The following UNC13B variants were observed in gnomAD, a reference collection of about 807,000 sequenced individuals.
The protein encoded by UNC13B is unc-13 homolog B, also known as protein unc-13 homolog B.
In UNC13B, 144 loss-of-function variants were observed where a neutral mutation model predicts 211.0. The ratio of observed to expected loss-of-function variants is 0.68; its 90% CI spans 0.60 to 0.78. The LOEUF (loss-of-function observed/expected upper bound fraction) is 0.78. UNC13B is among the 30% of genes least tolerant of loss of function. UNC13B has a pLI of 0.00. For missense variants in UNC13B, 1,777 were observed against 2,002.0 expected (o/e 0.89, Z 2.14); for synonymous variants, 709 against 725.8 (o/e 0.98, Z 0.37).
At chr9:35,311,669 A>G (rs1830186131) in intron 10 of UNC13B, among the ~76,000 whole-genome samples, 1 of 152,212 alleles carries the variant, frequency 6.6e-6, no homozygotes, top group Non-Finnish European at 1.5e-5. Flanking sequence ...TTGGAAAATA[A>G]CAGTGATTTC....
intron 11 of UNC13B, among the ~76,000 whole-genome samples, chr9:35,316,510 C>CGT (rs138221396): frequency 0.034 from 5,193 of 152,000 alleles, 130 homozygotes; most frequent in Middle Eastern, 0.058. Flanking sequence ...TATAGATGTG[C>CGT]GTGTGTGTGT....
At chr9:35,181,323 T>C (rs546164021) in intron 1 of UNC13B, among the ~76,000 whole-genome samples, 1 of 152,296 alleles carries the variant, frequency 6.6e-6, no homozygotes, top group East Asian at 1.9e-4. Flanking sequence ...TGGATTCTGT[T>C]TTCTAAAAAA....
intron 32 of UNC13B, 48 bp from the exon 33 acceptor site, chr9:35,398,832 GAC>G: frequency 6.3e-7 from 1 of 1,596,504 alleles, no homozygotes; most frequent in Non-Finnish European, 8.6e-7. Context: ...CCGCTCCAGG[GAC>G]AGTGTGTGTT....
rs199986450 is a variant in UNC13B at position 35,378,454 on chromosome 9, T to C, written c.10205+18T>C. ...TTCCATTTGTAAGTCACAGAGAGCT[T>C]TGTCTTACCTGGGACTGTGTGTATT... On this transcript the variant is annotated intron_variant, in intron 17 of 39. Coordinates refer to ENST00000635942, the MANE Select transcript of UNC13B (RefSeq NM_001371189.2). The C allele has an allele frequency of 2.4e-4, 388 of 1,614,002 alleles. No individual in the cohort carries two copies. The highest frequency in any genetic ancestry group is 2.8e-4 in the Non-Finnish European group (334 of 1,179,998).
intron 7 of UNC13B, among the ~76,000 whole-genome samples, chr9:35,287,387 C>G (rs1405761358): frequency 1.3e-5 from 2 of 152,182 alleles, no homozygotes; most frequent in Non-Finnish European, 2.9e-5. Flanking sequence ...CCACCTCAAC[C>G]TCCCAAAGTG....
intron 11 of UNC13B, among the ~76,000 whole-genome samples, chr9:35,342,629 A>G (rs2132020143): frequency 6.6e-6 from 1 of 152,136 alleles, no homozygotes; most frequent in South Asian, 2.1e-4. Flanking sequence ...GCATATTCAT[A>G]TACAAATAAT....
rs1829892555 is a variant in UNC13B at position 35,305,721 on chromosome 9, G to A, written c.6317G>A (p.Ser2106Asn). 2.5e-6 allele frequency: 1 copy of A among 399,002 alleles called. No individual in the cohort carries two copies. The highest frequency in any genetic ancestry group is 4.4e-6 in the Non-Finnish European group (1 of 226,046). The allele number at this position is 399,002 out of a possible 1,614,324, so 24.7% of individuals were successfully genotyped here. Residue 2106 changes from serine to asparagine, a missense_variant, in exon 9 of 40, where the codon AGT (serine) becomes AAT (asparagine). Ser to Asn is a conservative substitution (Grantham distance 46). Transcript: ENST00000635942. ...ESSRESSVET[S>N]GVTTVTEVSK... is the part of the protein sequence containing the mutation. ...TCCAGGGAGTCTTCAGTAGAAACTA[G>A]TGGTGTGACTACAGTGACAGAAGTT... is the stretch of plus-strand genomic sequence containing the variant.
At chr9:35,232,462 G>A (rs1825271622) in intron 3 of UNC13B, among the ~76,000 whole-genome samples, 1 of 151,894 alleles carries the variant, frequency 6.6e-6, no homozygotes, top group South Asian at 2.1e-4. Context: ...GATTACAGGT[G>A]TTAGCCACTG....
intron 22 of UNC13B, chr9:35,384,798 G>T: frequency 2.2e-6 from 2 of 919,828 alleles, no homozygotes; most frequent in Non-Finnish European, 2.6e-6. Flanking sequence ...GAGGAAATAG[G>T]TATAGTAGGA....
intron 11 of UNC13B, among the ~76,000 whole-genome samples, chr9:35,343,755 A>G (rs931232141): frequency 6.6e-6 from 1 of 152,042 alleles, no homozygotes; most frequent in Non-Finnish European, 1.5e-5. Flanking sequence ...TTCTAGACCC[A>G]TGCTGTCCAA....
At chr9:35,185,842 C>T (rs1822328832) in intron 1 of UNC13B, among the ~76,000 whole-genome samples, 1 of 150,912 alleles carries the variant, frequency 6.6e-6, no homozygotes, top group African/African-American at 2.4e-5. Context: ...TTCTTGAGCT[C>T]TAGATGTAGA....
intron 3 of UNC13B, among the ~76,000 whole-genome samples, chr9:35,231,898 A>C (rs897183354): frequency 2.6e-5 from 4 of 152,074 alleles, no homozygotes; most frequent in Non-Finnish European, 5.9e-5. Context: ...AAAGTATAGA[A>C]TATATTGAAG....
intron 6 of UNC13B, among the ~76,000 whole-genome samples, chr9:35,245,054 C>T (rs916251588): frequency 1.3e-5 from 2 of 151,954 alleles, no homozygotes; most frequent in African/African-American, 4.8e-5. Context: ...TTTGTGCTAT[C>T]TTTGCATGTA....
intron 1 of UNC13B, among the ~76,000 whole-genome samples, chr9:35,178,885 C>CAAAAAAAAAAAAAAA (rs35487632): frequency 1.6e-5 from 1 of 61,120 alleles, no homozygotes; most frequent in Non-Finnish European, 3.0e-5. Context: ...GAGACAGCCT[C>CAAAAAAAAAAAAAAA]AAAAAAAAAA....
intron 1 of UNC13B, among the ~76,000 whole-genome samples, chr9:35,218,676 C>T (rs1414134163): frequency 1.3e-5 from 2 of 151,848 alleles, no homozygotes; most frequent in Admixed American, 1.3e-4. Flanking sequence ...GGATTATAGC[C>T]GTGAGCCACC....
chr9:35,402,310 C>G (rs1043624930), intron 37 of UNC13B, among the ~76,000 whole-genome samples: 1 of 141,026 alleles, frequency 7.1e-6, no homozygotes, highest in African/African-American at 2.7e-5. Context: ...GAGACGGAGT[C>G]TCGCTCTGTC....
In UNC13B at chr9:35,307,792, C is replaced by T. The variant is rs964126924; in HGVS notation, c.8388C>T (p.Pro2796=). 2.5e-6 allele frequency: 1 copy of T among 398,944 alleles called. No individual in the cohort carries two copies. 24.7% of individuals were successfully genotyped at this position (398,944 alleles called of 1,614,324 possible). ...PLSSFFSSPL[P]SGNRAAETGL... is the part of the protein sequence containing the mutation. ...GCTCTTTCTTTTCCTCACCTCTCCCCTCTGGCAATAGAGCAGCAGAGACTG... is the reference window on the plus strand; with the variant it reads ...GCTCTTTCTTTTCCTCACCTCTCCCTTCTGGCAATAGAGCAGCAGAGACTG... The change falls in exon 9 of 40, where the codon CCC becomes CCT. Residue 2796 remains proline, a synonymous_variant. Transcript: ENST00000635942.
chr9:35,171,450 G>T (rs1821327629), intron 1 of UNC13B, among the ~76,000 whole-genome samples: 1 of 152,170 alleles, frequency 6.6e-6, no homozygotes. Flanking sequence ...TGCCCAGACT[G>T]GAGTGCAGTG....
Position 35,331,689 on chromosome 9 carries a change from T to C in UNC13B, c.9414+17700T>C, listed in dbSNP as rs189293515. 1.2e-3 allele frequency among the ~76,000 whole-genome samples: 185 copies of C among 152,360 alleles called. 2 individuals are homozygous for C. The Middle Eastern group carries it at 0.027, about 22-fold the overall frequency. On this transcript the variant is annotated intron_variant, in intron 11 of 39. Coordinates refer to ENST00000635942, the MANE Select transcript of UNC13B (RefSeq NM_001371189.2). Reference sequence around the variant, plus strand: ...AATTAACAGTTAAGTATTTAAATACTTTTTTCTCTCAGTCACTTTTTCCTC... The same window carrying C: ...AATTAACAGTTAAGTATTTAAATACCTTTTTCTCTCAGTCACTTTTTCCTC...
Sources: allele counts gnomAD v4.1 joint callset (sites outside exome capture counted in the v4.1 genomes callset), GRCh38; gene constraint gnomAD v4.1.1; transcripts MANE v1.5; gene names NCBI Gene and HGNC (gene_info 2026-07-23, HGNC 2026-07-21).